Variants in TMIGD3 observed in about 807,000 individuals in gnomAD.
TMIGD3 encodes AD026 protein (AD026).
A neutral mutation model predicts 28.1 loss-of-function variants in TMIGD3; 21 were observed. The observed-to-expected ratio is 0.75, with a 90% CI of 0.53 to 1.08. The LOEUF (loss-of-function observed/expected upper bound fraction) is 1.08, where lower values mean the gene tolerates loss of function less well. Among genes scored for constraint, TMIGD3 ranks in the 50% least tolerant of loss-of-function variants. The pLI is 0.00. For synonymous variants in TMIGD3, 151 were observed against 162.1 expected (o/e 0.93, Z 0.52); for missense variants, 416 against 435.6 (o/e 0.96, Z 0.40).
intron 1 of TMIGD3, among the ~76,000 whole-genome samples, chr1:111,548,379 A>G (rs1404133297): frequency 1.3e-5 from 2 of 152,232 alleles, no homozygotes; most frequent in Non-Finnish European, 2.9e-5. Context: ...CTTTAGGATC[A>G]TACTGGTAAA....
Position 111,503,372 on chromosome 1 carries a change from A to G in TMIGD3, c.-18T>C. The G allele has an allele frequency of 6.3e-7, 1 of 1,593,556 alleles. No individual in the cohort carries two copies. Among genetic ancestry groups the G allele is most frequent in the Non-Finnish European group, 8.6e-7 (1 of 1,167,558 alleles). On this transcript the variant is annotated 5_prime_UTR_variant, in exon 1 of 6. Transcript: ENST00000369716. The stretch of plus-strand genomic sequence containing the variant: ...TTGGGCATCTTGCCTTCCCAGGGGA[A>G]CCTCCACAGGGACAGGTGAGCCAGC...
At chr1:111,506,141 G>A (rs1655482375), upstream of TMIGD3, among the ~76,000 whole-genome samples, 2 of 152,188 alleles carry the variant, frequency 1.3e-5, no homozygotes, top group Admixed American at 1.3e-4. Context: ...GGACCACACT[G>A]TGCTGTGTGT....
intron 1 of TMIGD3, among the ~76,000 whole-genome samples, chr1:111,535,328 G>A (rs576612842): frequency 5.9e-5 from 9 of 152,294 alleles, no homozygotes; most frequent in Non-Finnish European, 1.0e-4. Context: ...TCACACAGAC[G>A]CTTAGTGCAA....
chr1:111,552,744 T>C (rs1045949453), intron 1 of TMIGD3, among the ~76,000 whole-genome samples: 6 of 152,214 alleles, frequency 3.9e-5, no homozygotes, highest in Non-Finnish European at 7.3e-5. Flanking sequence ...TACCACTTCC[T>C]ACATGCATGA....
intron 1 of TMIGD3, among the ~76,000 whole-genome samples, chr1:111,541,431 C>A (rs1656818504): frequency 6.6e-6 from 1 of 152,148 alleles, no homozygotes; most frequent in Non-Finnish European, 1.5e-5. Flanking sequence ...ACAGTGATGA[C>A]TGAACTAAAA....
chr1:111,559,740 C>T (rs770056745), intron 1 of TMIGD3, among the ~76,000 whole-genome samples: 25 of 152,194 alleles, frequency 1.6e-4, no homozygotes, highest in Non-Finnish European at 1.3e-4. Context: ...AAAATGACTG[C>T]TTCATTTAAA....
At chr1:111,560,629 C>T (rs563633493) in intron 1 of TMIGD3, among the ~76,000 whole-genome samples, 4 of 152,028 alleles carry the variant, frequency 2.6e-5, no homozygotes, top group Admixed American at 2.6e-4. Context: ...GCTGGGACTA[C>T]AAGCATGCCT....
intron 1 of TMIGD3, among the ~76,000 whole-genome samples, chr1:111,502,172 ATAAATATATAGGATATATATAT>A (rs1157552789): frequency 5.1e-5 from 3 of 59,272 alleles, no homozygotes; most frequent in African/African-American, 7.2e-5. Context: ...ATTTATTATA[ATAAATATATAGGATATATATAT>A]TATAATAAAT....
rs926617346 is a variant in TMIGD3, at chr1:111,484,203, G to A, written c.974-446C>T. On this transcript the variant is annotated intron_variant, in intron 5 of 5. Transcript: ENST00000369716. ...CCTGGTGGCAATGTTACATTTGGGT[G>A]TTGATGTGTGATGTGTGATAGTTTG... Among the ~76,000 whole-genome samples, 6 of 152,306 alleles carry A rather than the reference G, an allele frequency of 3.9e-5. No homozygotes were observed. In the East Asian group the frequency reaches 5.8e-4, roughly 15 times the overall value.
rs1557824066 is a variant in TMIGD3 at position 111,502,138 on chromosome 1, A to ATATAATAAATATATAGGATATATATTTAT, written c.350+838_350+866dup. Among the ~76,000 whole-genome samples the ATATAATAAATATATAGGATATATATTTAT allele has an allele frequency of 1.1e-3, 33 of 29,424 alleles. 2 individuals are homozygous for ATATAATAAATATATAGGATATATATTTAT. Among genetic ancestry groups the ATATAATAAATATATAGGATATATATTTAT allele is most frequent in the East Asian group, 5.4e-3 (7 of 1,292 alleles). 19.3% of individuals were successfully genotyped at this position (29,424 alleles called of 152,430 possible). A position where few individuals can be genotyped will look rare whatever the true frequency, so the allele number is the denominator to read the frequency against. On this transcript the variant is annotated intron_variant, in intron 1 of 5. Transcript: ENST00000369716. ...AATAAATATATAGGATATATATTTA[A>ATATAATAAATATATAGGATATATATTTAT]TATAATAAATATATAGGATATATAT...
intron 1 of TMIGD3, among the ~76,000 whole-genome samples, chr1:111,537,310 A>G (rs1012956488): frequency 4.6e-5 from 7 of 152,138 alleles, no homozygotes; most frequent in Non-Finnish European, 7.4e-5. Context: ...ATCCTTTTAA[A>G]TGTTGTATTC....
intron 1 of TMIGD3, among the ~76,000 whole-genome samples, chr1:111,497,929 C>A (rs1654969932): frequency 6.6e-6 from 1 of 152,186 alleles, no homozygotes; most frequent in Non-Finnish European, 1.5e-5. Flanking sequence ...AGACTGAGGG[C>A]AGCAGGACCC....
At chr1:111,563,156 T>G (rs977893092) in intron 1 of TMIGD3, among the ~76,000 whole-genome samples, 2 of 152,170 alleles carry the variant, frequency 1.3e-5, no homozygotes. Context: ...GTGCCTGTAG[T>G]TCCAGCTACT....
At chr1:111,536,881 A>G (rs1368968410) in intron 1 of TMIGD3, among the ~76,000 whole-genome samples, 1 of 152,116 alleles carries the variant, frequency 6.6e-6, no homozygotes, top group Non-Finnish European at 1.5e-5. Context: ...CTGGTGCTGC[A>G]AGAACTACAT....
At chr1:111,517,492 T>A (rs1390814308) in intron 1 of TMIGD3, among the ~76,000 whole-genome samples, 1 of 152,234 alleles carries the variant, frequency 6.6e-6, no homozygotes, top group Non-Finnish European at 1.5e-5. Flanking sequence ...AAATGTGTCC[T>A]ATTCTGAGAA....
chr1:111,500,247 T>G (rs749192276), intron 1 of TMIGD3: 25 of 1,614,032 alleles, frequency 1.5e-5, no homozygotes, highest in Non-Finnish European at 2.0e-5. Flanking sequence ...GTCCATAAAA[T>G]GCACCTGTCT....
chr1:111,554,598 C>T (rs1657404785), intron 1 of TMIGD3, among the ~76,000 whole-genome samples: 3 of 152,152 alleles, frequency 2.0e-5, no homozygotes, highest in Admixed American at 2.0e-4. Flanking sequence ...ATCATATGCT[C>T]AGTGAATAAT....
intron 1 of TMIGD3, among the ~76,000 whole-genome samples, chr1:111,524,028 C>CTTTTTTTTTTTTTTT (rs35046603): frequency 2.8e-5 from 3 of 108,790 alleles, no homozygotes; most frequent in African/African-American, 6.8e-5. Context: ...TCTTTCTTTT[C>CTTTTTTTTTTTTTTT]TTTTTTTTTT....
In TMIGD3 at chr1:111,483,733, G is replaced by A. The variant is rs761130871; in HGVS notation, c.998C>T (p.Ser333Leu). 28 of 1,613,922 alleles carry A rather than the reference G, an allele frequency of 1.7e-5. No homozygotes were observed. Among genetic ancestry groups the A allele is most frequent in the Admixed American group, 1.0e-4 (6 of 60,006 alleles). ...CATTTCCTTTGGAGTCAGGACACGCGAGAAGGGCTTCAAAGTGTTGCCTAC... is the reference window on the plus strand; with the variant it reads ...CATTTCCTTTGGAGTCAGGACACGCAAGAAGGGCTTCAAAGTGTTGCCTAC... ...RRVGNTLKPF[S>L]RVLTPKEMAP... The change falls in exon 6 of 6, where the codon TCG becomes TTG. Residue 333 changes from serine (S) to leucine (L), a missense_variant. Physicochemically the swap from Ser to Leu is moderately radical, Grantham distance 145 (BLOSUM62 -2). Transcript: ENST00000369716.
Sources: gnomAD v4.1 joint callset for allele counts (sites outside exome capture counted in the v4.1 genomes callset) on GRCh38, gnomAD v4.1.1 for gene constraint, MANE v1.5 for transcripts, NCBI Gene and HGNC (gene_info 2026-07-23, HGNC 2026-07-21) for gene names.